Variants in ARHGAP15 observed in about 807,000 individuals in gnomAD.
ARHGAP15 encodes rho GTPase-activating protein 15.
ARHGAP15 carries 51 observed loss-of-function variants against 63.7 expected under a neutral mutation model. The observed-to-expected ratio is 0.80, with a 90% CI of 0.64 to 1.01. ARHGAP15 has a LOEUF of 1.01. Among genes scored for constraint, ARHGAP15 ranks in the 50% least tolerant of loss-of-function variants. The pLI is 0.00. For synonymous variants in ARHGAP15, 191 were observed against 193.8 expected (o/e 0.99, Z 0.12); for missense variants, 560 against 564.6 (o/e 0.99, Z 0.08).
chr2:143,356,734 TA>T (rs979490416), intron 6 of ARHGAP15, among the ~76,000 whole-genome samples: 1 of 152,116 alleles, frequency 6.6e-6, no homozygotes, highest in African/African-American at 2.4e-5. Flanking sequence ...GAGTTAATTT[TA>T]AAAAAATCCT....
At chr2:143,306,246 G>A (rs935340249) in intron 6 of ARHGAP15, among the ~76,000 whole-genome samples, 2 of 152,088 alleles carry the variant, frequency 1.3e-5, no homozygotes, top group Non-Finnish European at 2.9e-5. Context: ...AAGTCGTTCT[G>A]AGACTTATGG....
intron 8 of ARHGAP15, among the ~76,000 whole-genome samples, chr2:143,445,834 A>G (rs1690110977): frequency 6.6e-6 from 1 of 152,102 alleles, no homozygotes; most frequent in Admixed American, 6.6e-5. Context: ...TCAAGTTTCT[A>G]TTGGAGGCAA....
chr2:143,288,936 C>G (rs1392657275), intron 6 of ARHGAP15, among the ~76,000 whole-genome samples: 1 of 151,922 alleles, frequency 6.6e-6, no homozygotes, highest in African/African-American at 2.4e-5. Flanking sequence ...AGATGCAAGG[C>G]ACAGAAACCT....
chr2:143,444,863 T>C (rs1334048611), intron 8 of ARHGAP15, among the ~76,000 whole-genome samples: 1 of 152,168 alleles, frequency 6.6e-6, no homozygotes, highest in East Asian at 1.9e-4. Context: ...TCTGTAACAT[T>C]AGGATTCCTA....
At chr2:143,428,993 A>G (rs1689258609) in intron 6 of ARHGAP15, among the ~76,000 whole-genome samples, 1 of 152,076 alleles carries the variant, frequency 6.6e-6, no homozygotes, top group Non-Finnish European at 1.5e-5. Flanking sequence ...TAAGAGCAAT[A>G]AAAGTCTAAG....
intron 13 of ARHGAP15, among the ~76,000 whole-genome samples, chr2:143,761,483 G>C (rs1354863530): frequency 6.6e-6 from 1 of 151,986 alleles, no homozygotes; most frequent in African/African-American, 2.4e-5. Flanking sequence ...CACTTTGCAA[G>C]TCACTATAGT....
chr2:143,167,882 C>G (rs1690611766), intron 2 of ARHGAP15, among the ~76,000 whole-genome samples: 1 of 152,042 alleles, frequency 6.6e-6, no homozygotes, highest in Admixed American at 6.6e-5. Context: ...TGGTGTTTTC[C>G]TGCAGGTTGC....
chr2:143,519,630 C>T (rs1280302761), intron 10 of ARHGAP15: 1 of 282,700 alleles, frequency 3.5e-6, no homozygotes, highest in Non-Finnish European at 6.8e-6. Context: ...TTCTTGTTTT[C>T]AAGCCAGTGA....
At chr2:143,470,854 G>A (rs529958306) in intron 8 of ARHGAP15, among the ~76,000 whole-genome samples, 88 of 148,136 alleles carry the variant, frequency 5.9e-4, no homozygotes, top group Non-Finnish European at 1.1e-3. Context: ...ACACACACAC[G>A]TATATTTATG....
In ARHGAP15 at chr2:143,664,894, A is replaced by G. The variant is rs952973447; in HGVS notation, c.1139-38525A>G. ...AGAAGTTGAATCTCTGAATAGACCAATAACAGGAGCTGAAATTGTGGCAAT... is the reference window on the plus strand; with the variant it reads ...AGAAGTTGAATCTCTGAATAGACCAGTAACAGGAGCTGAAATTGTGGCAAT... On this transcript the variant is annotated intron_variant, in intron 12 of 13. Transcript: ENST00000295095. Among the ~76,000 whole-genome samples the G allele has an allele frequency of 1.2e-4, 19 of 152,220 alleles. No individual in the cohort carries two copies. In the East Asian group the frequency reaches 3.7e-3, roughly 29 times the overall value.
chr2:143,436,310 ATATTCT>A (rs1689610722), intron 7 of ARHGAP15, among the ~76,000 whole-genome samples: 1 of 152,200 alleles, frequency 6.6e-6, no homozygotes, highest in Admixed American at 6.5e-5. Context: ...TTGGGAAGAA[ATATTCT>A]TAATACGGAA....
chr2:143,627,496 A>C (rs1366090594), intron 12 of ARHGAP15, among the ~76,000 whole-genome samples: 2 of 152,208 alleles, frequency 1.3e-5, no homozygotes, highest in African/African-American at 4.8e-5. Flanking sequence ...CAGAGGAAAT[A>C]CTTTCTCTCC....
chr2:143,260,429 A>G (rs1680661510), intron 6 of ARHGAP15, among the ~76,000 whole-genome samples: 1 of 152,160 alleles, frequency 6.6e-6, no homozygotes, highest in African/African-American at 2.4e-5. Context: ...TGAAGATTAT[A>G]GGAGATAATG....
At chr2:143,390,708 A>G (rs1368012222) in intron 6 of ARHGAP15, among the ~76,000 whole-genome samples, 1 of 147,466 alleles carries the variant, frequency 6.8e-6, no homozygotes, top group Non-Finnish European at 1.5e-5. Flanking sequence ...GGATATTTCC[A>G]AGTACACCCT....
chr2:143,496,641 T>A (rs1692829848), intron 9 of ARHGAP15, among the ~76,000 whole-genome samples: 1 of 152,204 alleles, frequency 6.6e-6, no homozygotes, highest in Non-Finnish European at 1.5e-5. Flanking sequence ...ACAATGATAA[T>A]CATTCTCCTT....
intron 6 of ARHGAP15, among the ~76,000 whole-genome samples, chr2:143,357,783 A>T (rs1015637725): frequency 1.3e-5 from 2 of 152,202 alleles, no homozygotes; most frequent in Non-Finnish European, 2.9e-5. Flanking sequence ...TAAAAAGATG[A>T]ATTAAAAAGT....
At chr2:143,286,694 A>G (rs777867726) in intron 6 of ARHGAP15, among the ~76,000 whole-genome samples, 1 of 152,208 alleles carries the variant, frequency 6.6e-6, no homozygotes, top group Non-Finnish European at 1.5e-5. Flanking sequence ...TAAAATGGAA[A>G]TGCATCGGCA....
chr2:143,464,123 T>G (rs186268443), intron 8 of ARHGAP15, among the ~76,000 whole-genome samples: 99 of 152,314 alleles, frequency 6.5e-4, no homozygotes, highest in Admixed American at 1.4e-3. Flanking sequence ...ATAAATTTAA[T>G]TATATTTTAG....
intron 12 of ARHGAP15, among the ~76,000 whole-genome samples, chr2:143,655,578 TC>T (rs1457940440): frequency 6.6e-6 from 1 of 152,184 alleles, no homozygotes; most frequent in Non-Finnish European, 1.5e-5. Flanking sequence ...TTTCCTTTCT[TC>T]CCCATAGTAG....
Sources: allele counts gnomAD v4.1 joint callset (sites outside exome capture counted in the v4.1 genomes callset), GRCh38; gene constraint gnomAD v4.1.1; transcripts MANE v1.5; gene names NCBI Gene and HGNC (gene_info 2026-07-23, HGNC 2026-07-21).